Variants in DSCAM observed in about 807,000 individuals in gnomAD.
The protein encoded by DSCAM is DS cell adhesion molecule.
A neutral mutation model predicts 217.7 loss-of-function variants in DSCAM; 47 were observed. The ratio of observed to expected loss-of-function variants is 0.22; its 90% CI spans 0.17 to 0.28. The LOEUF is 0.28. Among genes scored for constraint, DSCAM ranks in the 10% least tolerant of loss-of-function variants. The pLI is 1.00. For synonymous variants in DSCAM, 1,056 were observed against 1,015.3 expected (o/e 1.04, Z -0.76); for missense variants, 2,080 against 2,618.3 (o/e 0.79, Z 4.49).
In DSCAM at chr21:40,339,148, A is replaced by G. The variant is rs2074460499; in HGVS notation, c.1478T>C (p.Val493Ala). Residue 493 changes from valine (V) to alanine (A), a missense_variant, in exon 7 of 33, where the codon GTC (valine) becomes GCC (alanine). By Grantham distance (64) the Val-to-Ala change is moderately conservative. Coordinates refer to ENST00000400454, the MANE Select transcript of DSCAM (RefSeq NM_001389.5). ...TACGTTTATTCGAGCCTGGTACAGG[A>G]CGACTCCCGCCGAGTTGTTGGCAGT... ...RCTANNSAGV[V>A]LYQARINVRG... The G allele has an allele frequency of 6.2e-7, 1 of 1,614,096 alleles. No homozygotes were observed. Among genetic ancestry groups the G allele is most frequent in the Non-Finnish European group, 8.5e-7 (1 of 1,180,022 alleles).
At chr21:40,671,958 G>A (rs1378572431) in intron 3 of DSCAM, among the ~76,000 whole-genome samples, 1 of 152,140 alleles carries the variant, frequency 6.6e-6, no homozygotes, top group African/African-American at 2.4e-5. Context: ...TCACAGTTCT[G>A]GAGGCCAGAG....
At chr21:40,381,654 T>C (rs2075026911) in intron 3 of DSCAM, among the ~76,000 whole-genome samples, 2 of 152,208 alleles carry the variant, frequency 1.3e-5, no homozygotes, top group South Asian at 4.1e-4. Context: ...GTCTACCTGA[T>C]ACAGATGGCA....
intron 3 of DSCAM, among the ~76,000 whole-genome samples, chr21:40,594,581 G>A (rs528389682): frequency 6.6e-6 from 1 of 152,192 alleles, no homozygotes; most frequent in Admixed American, 6.5e-5. Context: ...CACAGGGTAG[G>A]GGGTAATAAA....
chr21:40,101,100 T>C (rs987668588), intron 20 of DSCAM, among the ~76,000 whole-genome samples: 1 of 152,320 alleles, frequency 6.6e-6, no homozygotes, highest in East Asian at 1.9e-4. Context: ...TTCCCTTCCA[T>C]GGCTTATTTT....
At chr21:40,226,224 C>T (rs988311766) in intron 11 of DSCAM, among the ~76,000 whole-genome samples, 2 of 152,170 alleles carry the variant, frequency 1.3e-5, no homozygotes, top group African/African-American at 4.8e-5. Flanking sequence ...GTAGTGAACT[C>T]TGCAATAAGG....
chr21:40,611,245 G>T (rs2089311480), intron 3 of DSCAM, among the ~76,000 whole-genome samples: 1 of 151,854 alleles, frequency 6.6e-6, no homozygotes, highest in Non-Finnish European at 1.5e-5. Flanking sequence ...TTTTAGTAGA[G>T]ACTGGGTTTT....
chr21:40,509,723 C>A (rs1382353611), intron 3 of DSCAM, among the ~76,000 whole-genome samples: 1 of 152,220 alleles, frequency 6.6e-6, no homozygotes, highest in African/African-American at 2.4e-5. Context: ...GGCCCAAGCA[C>A]AATGCCATCC....
chr21:40,280,580 G>C (rs2073747326), intron 10 of DSCAM, among the ~76,000 whole-genome samples: 1 of 152,084 alleles, frequency 6.6e-6, no homozygotes, highest in Non-Finnish European at 1.5e-5. Context: ...TTACTTATTG[G>C]GATTTAAAGC....
At chr21:40,290,071 C>T (rs1055158606) in intron 10 of DSCAM, among the ~76,000 whole-genome samples, 4 of 151,836 alleles carry the variant, frequency 2.6e-5, no homozygotes, top group African/African-American at 9.7e-5. Flanking sequence ...GGAAAAATAT[C>T]GAACAAATTA....
In DSCAM at chr21:40,333,312, T is replaced by C. The variant is rs141635406; in HGVS notation, c.1783+4789A>G. On this transcript the variant is annotated intron_variant, in intron 8 of 32. Coordinates refer to ENST00000400454, the MANE Select transcript of DSCAM (RefSeq NM_001389.5). ...CCTTGATAAACTACAATCCTGACCA[T>C]TGGAGTATAATTTACTTTATATATT... Among the ~76,000 whole-genome samples, 16 of 152,292 alleles carry C rather than the reference T, an allele frequency of 1.1e-4. No homozygotes were observed. The East Asian group carries it at 1.2e-3, about 11-fold the overall frequency.
At chr21:40,569,411 G>C (rs7276773) in intron 3 of DSCAM, among the ~76,000 whole-genome samples, 1 of 152,088 alleles carries the variant, frequency 6.6e-6, no homozygotes, top group Admixed American at 6.6e-5. Flanking sequence ...GTCTTTGATC[G>C]TTTACGTGGC....
intron 16 of DSCAM, among the ~76,000 whole-genome samples, chr21:40,160,482 A>T (rs2090528519): frequency 6.6e-6 from 1 of 152,208 alleles, no homozygotes; most frequent in East Asian, 1.9e-4. Flanking sequence ...TTGTATATAT[A>T]TGTTACTGTA....
At chr21:40,232,009 A>G (rs1011741536) in intron 11 of DSCAM, among the ~76,000 whole-genome samples, 8 of 152,362 alleles carry the variant, frequency 5.3e-5, no homozygotes, top group African/African-American at 1.9e-4. Context: ...CATTCTAGGA[A>G]TCATCTAAAT....
At chr21:40,322,014 C>T (rs1399154830) in intron 8 of DSCAM, among the ~76,000 whole-genome samples, 1 of 152,178 alleles carries the variant, frequency 6.6e-6, no homozygotes, top group Non-Finnish European at 1.5e-5. Context: ...TTTGGCTCCT[C>T]AAGACTTCTC....
intron 1 of DSCAM, among the ~76,000 whole-genome samples, chr21:40,730,698 A>G (rs558588900): frequency 2.7e-4 from 41 of 152,310 alleles, no homozygotes; most frequent in African/African-American, 9.6e-4. Context: ...AAGGCAACAC[A>G]AACTGCAAGA....
chr21:40,151,508 C>T (rs1290057932), intron 16 of DSCAM, among the ~76,000 whole-genome samples: 1 of 152,194 alleles, frequency 6.6e-6, no homozygotes, highest in East Asian at 1.9e-4. Context: ...TAAATCGGGG[C>T]TTCAACACTG....
rs2088055919 is a variant in DSCAM at position 40,011,547 on chromosome 21, T to C, written c.*1487A>G. On this transcript the variant is annotated 3_prime_UTR_variant, in exon 33 of 33. Coordinates refer to ENST00000400454, the MANE Select transcript of DSCAM (RefSeq NM_001389.5). ...TCTCTGACACAAAGACCTGTTTATC[T>C]TTCCATTTTATGGAAGTGAGCCTGG... 6.6e-6 allele frequency: 1 copy of C among 152,198 alleles called. No individual in the cohort carries two copies. The highest frequency in any genetic ancestry group is 6.5e-5 in the Admixed American group (1 of 15,284). 9.4% of individuals were successfully genotyped at this position (152,198 alleles called of 1,614,324 possible).
At chr21:40,018,274 A>G (rs182906102) in intron 32 of DSCAM, among the ~76,000 whole-genome samples, 22 of 152,338 alleles carry the variant, frequency 1.4e-4, no homozygotes, top group South Asian at 1.0e-3. Context: ...TATACATTCA[A>G]TCTCCTGAAA....
At chr21:40,549,073 T>C (rs2076608313) in intron 3 of DSCAM, among the ~76,000 whole-genome samples, 1 of 152,030 alleles carries the variant, frequency 6.6e-6, no homozygotes, top group African/African-American at 2.4e-5. Context: ...GGTGTGGTGG[T>C]GTGCGCCCGA....
Sources: gnomAD v4.1 joint callset for allele counts (sites outside exome capture counted in the v4.1 genomes callset) on GRCh38, gnomAD v4.1.1 for gene constraint, MANE v1.5 for transcripts, NCBI Gene and HGNC (gene_info 2026-07-23, HGNC 2026-07-21) for gene names.